ENGASE: variants seen among roughly 807,000 people sequenced by gnomAD.
The protein encoded by ENGASE is cytosolic endo-beta-N-acetylglucosaminidase.
A neutral mutation model predicts 78.5 loss-of-function variants in ENGASE; 69 were observed. The ratio of observed to expected loss-of-function variants is 0.88; its 90% CI spans 0.72 to 1.07. The LOEUF (loss-of-function observed/expected upper bound fraction) is 1.07. Ranked by LOEUF, ENGASE falls within the 50% of genes least tolerant of loss-of-function variation. The probability of loss-of-function intolerance (pLI) is 0.00; values close to 1 mark genes in which losing one functional copy is unlikely to be tolerated. For synonymous variants in ENGASE, 408 were observed against 408.9 expected (o/e 1.00, Z 0.03); for missense variants, 943 against 988.4 (o/e 0.95, Z 0.62).
chr17:79,075,066 C>G lies in ENGASE; in HGVS notation c.122C>G (p.Pro41Arg). Residue 41 changes from proline to arginine, a missense_variant, in exon 1 of 14, where the codon CCG becomes CGG. Coordinates refer to ENST00000579016, the MANE Select transcript of ENGASE (RefSeq NM_001042573.3). ...QEEQEDQEPR[P>R]RRRRPGRSIK... ...GAGCAGGAGGATCAGGAGCCGCGGC[C>G]GCGGCGGCGGCGGCCGGGAAGGAGG... The G allele has an allele frequency of 1.7e-6, 2 of 1,203,440 alleles. No individual in the cohort carries two copies. Among genetic ancestry groups the G allele is most frequent in the Non-Finnish European group, 2.1e-6 (2 of 967,078 alleles). 74.5% of individuals were successfully genotyped at this position (1,203,440 alleles called of 1,614,324 possible).
At chr17:79,076,144 G>A (rs1046340856) in intron 1 of ENGASE, among the ~76,000 whole-genome samples, 2 of 152,248 alleles carry the variant, frequency 1.3e-5, no homozygotes, top group African/African-American at 4.8e-5. Context: ...TGGCAGTGGA[G>A]TGATGGCAGA....
chr17:79,082,621 C>T (rs904197598), intron 7 of ENGASE: 1 of 1,287,400 alleles, frequency 7.8e-7, no homozygotes, highest in Non-Finnish European at 1.0e-6. Flanking sequence ...TGCCCGTTCC[C>T]AGAGCCCCAG....
chr17:79,085,890 CG>C, intron 13 of ENGASE, 42 bp from the exon 14 acceptor site: 1 of 1,572,856 alleles, frequency 6.4e-7, no homozygotes, highest in Non-Finnish European at 8.6e-7. Context: ...ACCCTCTCCC[CG>C]CCCCCGGGCG....
Position 79,082,025 on chromosome 17 carries a change from C to G in ENGASE, c.1000C>G (p.Arg334Gly), listed in dbSNP as rs753581791. The G allele has an allele frequency of 2.6e-5, 42 of 1,614,074 alleles. No individual in the cohort carries two copies. Among genetic ancestry groups the G allele is most frequent in the Non-Finnish European group, 3.5e-5 (41 of 1,180,022 alleles). Reference protein sequence around the residue: ...DVYVGVDVFARGNVVGGRFDT... With the variant: ...DVYVGVDVFAGGNVVGGRFDT... ...GTACGTGGGCGTGGATGTGTTTGCTCGAGGGAACGTGGTCGGAGGCCGATT... is the reference window on the plus strand; with the variant it reads ...GTACGTGGGCGTGGATGTGTTTGCTGGAGGGAACGTGGTCGGAGGCCGATT... Residue 334 changes from arginine (R) to glycine (G), a missense_variant, in exon 7 of 14, where the codon CGA becomes GGA. Transcript: ENST00000579016.
At chr17:79,082,832 C>T (rs1345148514) in intron 7 of ENGASE, 188 bp from the exon 8 acceptor site, 1 of 1,529,980 alleles carries the variant, frequency 6.5e-7, no homozygotes. Flanking sequence ...GCGCCCTCTT[C>T]TGGCGGGCTT....
chr17:79,076,632 C>T (rs952280985), intron 1 of ENGASE, among the ~76,000 whole-genome samples: 3 of 152,124 alleles, frequency 2.0e-5, no homozygotes, highest in Non-Finnish European at 2.9e-5. Flanking sequence ...GTTAATGTAC[C>T]GAAGGAACGA....
chr17:79,076,303 A>G (rs376736372), intron 1 of ENGASE, among the ~76,000 whole-genome samples: 4 of 152,234 alleles, frequency 2.6e-5, no homozygotes, highest in African/African-American at 9.6e-5. Flanking sequence ...ATGGTGGCTT[A>G]TGCCTGTAAT....
intron 1 of ENGASE, chr17:79,075,862 C>T (rs2072956439): frequency 2.0e-6 from 2 of 985,430 alleles, no homozygotes; most frequent in Non-Finnish European, 2.4e-6. Context: ...GGCTCTTTCC[C>T]TCCTAGTGGA....
At chr17:79,084,504 T>C in intron 10 of ENGASE, 34 bp from the exon 11 acceptor site, 2 of 1,528,390 alleles carry the variant, frequency 1.3e-6, no homozygotes, top group Non-Finnish European at 8.7e-7. Flanking sequence ...CAGTGGTCTC[T>C]CCACGGCACC....
In ENGASE at chr17:79,085,368, C is replaced by A. The variant is rs772974813; in HGVS notation, c.1700+26C>A. 5.8e-6 allele frequency: 9 copies of A among 1,551,334 alleles called. No individual in the cohort carries two copies. The Admixed American group carries it at 1.6e-4, about 28-fold the overall frequency. On this transcript the variant is annotated intron_variant, in intron 12 of 13. Transcript: ENST00000579016. Reference sequence around the variant, plus strand: ...GTAAGTCCCTCTGCTTCTTCACGTCCTTCTCCCTCACTCAAGTCTCTGTTG... The same window carrying A: ...GTAAGTCCCTCTGCTTCTTCACGTCATTCTCCCTCACTCAAGTCTCTGTTG...
At chr17:79,082,582 G>A (rs1228634290) in intron 7 of ENGASE, 2 of 1,247,270 alleles carry the variant, frequency 1.6e-6, no homozygotes, top group African/African-American at 1.5e-5. Context: ...GGATGCGCAG[G>A]GCTCTGCCTG....
In ENGASE at chr17:79,087,140, G is replaced by C. The variant is rs1044348872; in HGVS notation, c.*791G>C. The C allele has an allele frequency of 2.3e-6, 1 of 440,100 alleles. No individual in the cohort carries two copies. The highest frequency in any genetic ancestry group is 2.0e-5 in the African/African-American group (1 of 49,676). 27.3% of individuals were successfully genotyped at this position (440,100 alleles called of 1,614,324 possible). A position where few individuals can be genotyped will look rare whatever the true frequency, so the allele number is the denominator to read the frequency against. On this transcript the variant is annotated 3_prime_UTR_variant, in exon 14 of 14. Transcript: ENST00000579016. ...GTGGCCCTGCCTCTGCCCAGCGAGA[G>C]GCCGTGGGCTCTGGACAAGCCGCCC...
At chr17:79,082,767 G>T (rs1365387051) in intron 7 of ENGASE, 9 of 1,464,168 alleles carry the variant, frequency 6.1e-6, no homozygotes, top group South Asian at 1.2e-5. Context: ...GCCACAGCCA[G>T]TTGGGGCCCA....
chr17:79,081,748 G>C, intron 6 of ENGASE, 150 bp from the exon 7 acceptor site: 4 of 907,104 alleles, frequency 4.4e-6, no homozygotes, highest in Non-Finnish European at 6.4e-6. Flanking sequence ...GGCTGAGGCT[G>C]TGTGGGGTGG....
rs1032810670 is a variant in ENGASE at position 79,081,962 on chromosome 17, C to T, written c.937C>T (p.Arg313Trp). ...TAACTGGCGGGAGGAGCACTTGGAG[C>T]GGATGCTGGGGCAGGCTGGGGAGCG... The part of the protein sequence containing the change: ...NYNWREEHLE[R>W]MLGQAGERRA... The change falls in exon 7 of 14, where the codon CGG (arginine) becomes TGG (tryptophan). Residue 313 changes from arginine (R) to tryptophan (W), a missense_variant. Coordinates refer to ENST00000579016, the MANE Select transcript of ENGASE (RefSeq NM_001042573.3). 2.8e-5 allele frequency: 45 copies of T among 1,613,952 alleles called. No individual in the cohort carries two copies. The highest frequency in any genetic ancestry group is 4.0e-5 in the African/African-American group (3 of 74,908).
intron 10 of ENGASE, 39 bp from the exon 11 acceptor site, chr17:79,084,499 G>A: frequency 6.6e-7 from 1 of 1,505,350 alleles, no homozygotes; most frequent in South Asian, 1.4e-5. Flanking sequence ...TTTCTCAGTG[G>A]TCTCTCCACG....
chr17:79,085,809 C>A, intron 13 of ENGASE, 75 bp downstream of exon 13: 1 of 1,599,638 alleles, frequency 6.3e-7, no homozygotes, highest in East Asian at 2.3e-5. Flanking sequence ...CCGCCCCAGG[C>A]CGCCCCCTTC....
In ENGASE at chr17:79,086,432, C is replaced by T. The variant is rs2073314239; in HGVS notation, c.*83C>T. The T allele has an allele frequency of 6.8e-7, 1 of 1,475,620 alleles. No individual in the cohort carries two copies. Among genetic ancestry groups the T allele is most frequent in the Non-Finnish European group, 9.0e-7 (1 of 1,107,464 alleles). The allele number at this position is 1,475,620 out of a possible 1,614,324, so 91.4% of individuals were successfully genotyped here. Reference sequence around the variant, plus strand: ...CTGCCCCTGGCCTGCGCTGGACCTGCTAAGTGCCCACAGTGGCAGCGAGGT... The same window carrying T: ...CTGCCCCTGGCCTGCGCTGGACCTGTTAAGTGCCCACAGTGGCAGCGAGGT... On this transcript the variant is annotated 3_prime_UTR_variant, in exon 14 of 14. Coordinates refer to ENST00000579016, the MANE Select transcript of ENGASE (RefSeq NM_001042573.3).
chr17:79,083,714 G>A lies in ENGASE; in HGVS notation c.1252-47G>A. ...CTTCCCTGCCGCTCCGGGCACCCCT[G>A]CTCTGTTGGCCTCTGCTGAGTGCCC... is the stretch of plus-strand genomic sequence containing the variant. On this transcript the variant is annotated intron_variant, in intron 9 of 13. Transcript: ENST00000579016. This position sits in a 1 kb window ranked among gnomAD's most constrained non-coding sequence, Gnocchi z 4.9. 1 of 1,584,594 alleles carries A rather than the reference G, an allele frequency of 6.3e-7. No individual in the cohort carries two copies.
Sources: allele counts gnomAD v4.1 joint callset (sites outside exome capture counted in the v4.1 genomes callset), GRCh38; gene constraint gnomAD v4.1.1; non-coding constraint Gnocchi (gnomAD v3.1); transcripts MANE v1.5; gene names NCBI Gene and HGNC (gene_info 2026-07-23, HGNC 2026-07-21).